Variants in SZT2 observed in about 807,000 individuals in gnomAD.
SZT2 encodes the protein SZT2 subunit of KICSTOR complex.
Under a neutral mutation model 404.2 loss-of-function variants are expected in SZT2, and 216 were observed. The ratio of observed to expected loss-of-function variants is 0.53; its 90% CI spans 0.48 to 0.60. The LOEUF is 0.60. Among genes scored for constraint, SZT2 ranks in the 20% least tolerant of loss-of-function variants. The pLI is 0.00. For missense variants in SZT2, 3,857 were observed against 4,459.2 expected, an observed-to-expected ratio of 0.86 and a Z score of 3.85; for synonymous variants, 1,693 against 1,749.9, an observed-to-expected ratio of 0.97 and a Z score of 0.81.
chr1:43,441,073 G>A lies in SZT2; in HGVS notation c.7345-141G>A. 9.5e-7 allele frequency: 1 copy of A among 1,047,918 alleles called. No homozygotes were observed. The highest frequency in any genetic ancestry group is 1.4e-6 in the Non-Finnish European group (1 of 716,912). 64.9% of individuals were successfully genotyped at this position (1,047,918 alleles called of 1,614,324 possible). On this transcript the variant is annotated intron_variant, in intron 52 of 71. Transcript: ENST00000634258. The surrounding 1 kb of genome is among the most constrained non-coding windows in gnomAD (Gnocchi z 4.8). ...AGGAAAGTTAGGTAACCTGCCCAAGGCTCCTTAGCCAGCCCCTGGGGAAGC... is the reference window on the plus strand; with the variant it reads ...AGGAAAGTTAGGTAACCTGCCCAAGACTCCTTAGCCAGCCCCTGGGGAAGC...
intron 46 of SZT2, chr1:43,438,114 C>T (rs919779253): frequency 1.1e-5 from 6 of 541,592 alleles, no homozygotes; most frequent in African/African-American, 9.5e-5. Flanking sequence ...CCCTGGGTCC[C>T]TCCTCTAGTT....
At chr1:43,397,526 T>C (rs1329949843) in intron 1 of SZT2, among the ~76,000 whole-genome samples, 1 of 151,530 alleles carries the variant, frequency 6.6e-6, no homozygotes, top group Non-Finnish European at 1.5e-5. Context: ...ACAAATTCTT[T>C]TTTTTTTGAG....
At chr1:43,399,079 C>CA (rs1320449994) in intron 1 of SZT2, among the ~76,000 whole-genome samples, 120 of 138,554 alleles carry the variant, frequency 8.7e-4, no homozygotes, top group East Asian at 7.9e-3. Flanking sequence ...GACTCCGTCT[C>CA]AAAAAAAAAA....
chr1:43,431,651 C>G, intron 35 of SZT2, 65 bp from the exon 36 acceptor site: 1 of 1,602,090 alleles, frequency 6.2e-7, no homozygotes, highest in Admixed American at 1.7e-5. Context: ...TCTTCTAGTC[C>G]GGGAGTAAGG....
chr1:43,439,123 C>G lies in SZT2; in HGVS notation c.6792+30C>G. On this transcript the variant is annotated intron_variant, in intron 48 of 71. Transcript: ENST00000634258. This position sits in a 1 kb window ranked among gnomAD's most constrained non-coding sequence, Gnocchi z 4.2. Reference sequence around the variant, plus strand: ...GATGGCACTCATCTCTCTCCACACTCATGTGCACCCCTGCCCCCTGCCCCA... The same window carrying G: ...GATGGCACTCATCTCTCTCCACACTGATGTGCACCCCTGCCCCCTGCCCCA... 6.2e-7 allele frequency: 1 copy of G among 1,613,482 alleles called. No homozygotes were observed. Among genetic ancestry groups the G allele is most frequent in the Non-Finnish European group, 8.5e-7 (1 of 1,179,604 alleles).
Position 43,429,819 on chromosome 1 carries a change from A to G in SZT2, c.4283A>G (p.His1428Arg), listed in dbSNP as rs1443595084. Residue 1428 changes from histidine to arginine, a missense_variant, in exon 29 of 72, where the codon CAT (histidine) becomes CGT (arginine). Physicochemically the swap from His to Arg is conservative, Grantham distance 29. Coordinates refer to ENST00000634258, the MANE Select transcript of SZT2 (RefSeq NM_001365999.1). Reference sequence around the variant, plus strand: ...GTCTGCCAGCTCAGAGGAGAGGCCCATGGTGCCCTTCATAGCGTCATCCAG... The same window carrying G: ...GTCTGCCAGCTCAGAGGAGAGGCCCGTGGTGCCCTTCATAGCGTCATCCAG... The part of the protein sequence containing the change: ...TDVCQLRGEA[H>R]GALHSVIQEK... 7 of 1,614,072 alleles carry G rather than the reference A, an allele frequency of 4.3e-6. No individual in the cohort carries two copies. The highest frequency in any genetic ancestry group is 5.1e-6 in the Non-Finnish European group (6 of 1,180,036).
intron 65 of SZT2, 92 bp from the exon 66 acceptor site, chr1:43,446,863 T>C: frequency 1.5e-6 from 2 of 1,358,000 alleles, no homozygotes; most frequent in Non-Finnish European, 2.0e-6. Context: ...GCAGGGGAAA[T>C]CTTGTGCTTC....
Position 43,415,122 on chromosome 1 carries a change from A to C in SZT2, c.539A>C (p.Glu180Ala), listed in dbSNP as rs1393845635. ...TGCCTCTTGGACCCTTCCCAGCGGGAGGTGTTCCTGCAGCAGATATATGAG... is the reference window on the plus strand; with the variant it reads ...TGCCTCTTGGACCCTTCCCAGCGGGCGGTGTTCCTGCAGCAGATATATGAG... ...QGCLLDPSQR[E>A]VFLQQIYEQL... The change falls in exon 5 of 72, where the codon GAG becomes GCG. Residue 180 changes from glutamate (E) to alanine (A), a missense_variant. Around this residue, in one of 7 missense-constraint regions of SZT2, gnomAD observed 536 missense variants for 637.4 expected, o/e 0.84. Transcript: ENST00000634258. 6.3e-7 allele frequency: 1 copy of C among 1,598,006 alleles called. No homozygotes were observed. Among genetic ancestry groups the C allele is most frequent in the East Asian group, 2.2e-5 (1 of 44,858 alleles).
chr1:43,396,461 C>T (rs1033829006), intron 1 of SZT2, among the ~76,000 whole-genome samples: 6 of 152,160 alleles, frequency 3.9e-5, no homozygotes, highest in African/African-American at 1.4e-4. Context: ...CAGATTCTGG[C>T]TCTATGTGAG....
At chr1:43,414,806 GC>G (rs1438897887) in intron 4 of SZT2, among the ~76,000 whole-genome samples, 1 of 152,238 alleles carries the variant, frequency 6.6e-6, no homozygotes, top group African/African-American at 2.4e-5. Flanking sequence ...ATCTTATAGT[GC>G]CCCCATGTGG....
In SZT2 at chr1:43,425,045, C is replaced by T; in HGVS notation, c.2551-68C>T. 6.3e-7 allele frequency: 1 copy of T among 1,599,948 alleles called. No homozygotes were observed. Among genetic ancestry groups the T allele is most frequent in the East Asian group, 2.2e-5 (1 of 44,802 alleles). On this transcript the variant is annotated intron_variant, in intron 17 of 71. Transcript: ENST00000634258. The surrounding 1 kb of genome is among the most constrained non-coding windows in gnomAD (Gnocchi z 4.3). Reference sequence around the variant, plus strand: ...GTGAGGGAACTGAAATTCTGAGGGCCAGAGCTAGGCCAGGCCAGATCTCTG... The same window carrying T: ...GTGAGGGAACTGAAATTCTGAGGGCTAGAGCTAGGCCAGGCCAGATCTCTG...
chr1:43,417,149 A>G (rs990919062), intron 7 of SZT2, among the ~76,000 whole-genome samples: 1 of 152,220 alleles, frequency 6.6e-6, no homozygotes, highest in Non-Finnish European at 1.5e-5. Flanking sequence ...ATGCAGATAG[A>G]TAGAAGGAAA....
In SZT2 at chr1:43,443,011, C is replaced by G; in HGVS notation, c.8344C>G (p.Pro2782Ala). The change falls in exon 59 of 72, where the codon CCT becomes GCT. Residue 2782 changes from proline (P) to alanine (A), a missense_variant. This residue lies in a region of SZT2 where 717 missense variants were observed against 868.2 expected (regional missense o/e 0.83). Coordinates refer to ENST00000634258, the MANE Select transcript of SZT2 (RefSeq NM_001365999.1). ...TAARPSSVLGPVPRPPDPVTY... is the reference protein window; with the variant it reads ...TAARPSSVLGAVPRPPDPVTY... ...TGCCCGCCCCAGCTCCGTACTTGGT[C>G]CTGTGCCCAGACCTCCTGATCCTGT... The G allele has an allele frequency of 6.2e-7, 1 of 1,614,116 alleles. No homozygotes were observed. Among genetic ancestry groups the G allele is most frequent in the Non-Finnish European group, 8.5e-7 (1 of 1,179,996 alleles).
In SZT2 at chr1:43,428,384, A is replaced by G. The variant is rs149741610; in HGVS notation, c.4064A>G (p.His1355Arg). The G allele has an allele frequency of 3.2e-5, 52 of 1,614,144 alleles. No homozygotes were observed. In the African/African-American group the frequency reaches 6.5e-4, roughly 20 times the overall value. ...TGTGGCCACACTTGGGGTTTGCCTC[A>G]TGCACCCCCAAGTCCTGGTCCTCTC... ...ALCGHTWGLPHAPPSPGPLSP... is the reference protein window; with the variant it reads ...ALCGHTWGLPRAPPSPGPLSP... The change falls in exon 28 of 72, where the codon CAT (histidine) becomes CGT (arginine). Residue 1355 changes from histidine to arginine, a missense_variant. Physicochemically the swap from His to Arg is conservative, Grantham distance 29. Coordinates refer to ENST00000634258, the MANE Select transcript of SZT2 (RefSeq NM_001365999.1).
Position 43,453,580 on chromosome 1 carries a change from C to T in SZT2, c.*3100C>T. ...CACCCCCCAGCCCTCCCAGCCCTCC[C>T]GGCCCGCGACGCACCCGGGGGCGTG... On this transcript the variant is annotated 3_prime_UTR_variant, in exon 72 of 72. Coordinates refer to ENST00000634258, the MANE Select transcript of SZT2 (RefSeq NM_001365999.1). 1.3e-6 allele frequency: 2 copies of T among 1,519,286 alleles called. No homozygotes were observed. The highest frequency in any genetic ancestry group is 1.3e-5 in the South Asian group (1 of 79,656). The allele number at this position is 1,519,286 out of a possible 1,614,324, so 94.1% of individuals were successfully genotyped here. A position where few individuals can be genotyped will look rare whatever the true frequency, so the allele number is the denominator to read the frequency against.
chr1:43,423,061 G>A (rs1488713196), intron 14 of SZT2, 38 bp from the exon 15 acceptor site: 1 of 1,547,332 alleles, frequency 6.5e-7, no homozygotes, highest in South Asian at 1.2e-5. Context: ...ACCTGTAGGA[G>A]ATGGGAGTAA....
Position 43,451,961 on chromosome 1 carries a change from TG to T in SZT2, c.*1486del. 1.9e-6 allele frequency: 3 copies of T among 1,612,138 alleles called. No individual in the cohort carries two copies. Among genetic ancestry groups the T allele is most frequent in the Non-Finnish European group, 2.5e-6 (3 of 1,178,626 alleles). ...CTGCTGGGGCGTGTCCAGGAAGTACTGGGGGTCAGTGATGCGGGTGTTGATG... is the reference window on the plus strand; with the variant it reads ...CTGCTGGGGCGTGTCCAGGAAGTACTGGGGTCAGTGATGCGGGTGTTGATG... On this transcript the variant is annotated 3_prime_UTR_variant, in exon 72 of 72. Coordinates refer to ENST00000634258, the MANE Select transcript of SZT2 (RefSeq NM_001365999.1).
rs1294880340 is a variant in SZT2 at position 43,428,233 on chromosome 1, C to A, written c.3920-7C>A. Reference sequence around the variant, plus strand: ...TCAAGCCTCATGGCCCCTTCCACTTCCATCAGGGCTATTCCGCAGCTTGCA... The same window carrying A: ...TCAAGCCTCATGGCCCCTTCCACTTACATCAGGGCTATTCCGCAGCTTGCA... On this transcript the variant is annotated splice_polypyrimidine_tract_variant and splice_region_variant and intron_variant, in intron 27 of 71. Coordinates refer to ENST00000634258, the MANE Select transcript of SZT2 (RefSeq NM_001365999.1). The A allele has an allele frequency of 6.2e-7, 1 of 1,614,022 alleles. No homozygotes were observed. Among genetic ancestry groups the A allele is most frequent in the Non-Finnish European group, 8.5e-7 (1 of 1,179,988 alleles).
In SZT2 at chr1:43,453,857, G is replaced by C; in HGVS notation, c.*3377G>C. 8 of 1,231,186 alleles carry C rather than the reference G, an allele frequency of 6.5e-6. No homozygotes were observed. Among genetic ancestry groups the C allele is most frequent in the Non-Finnish European group, 7.1e-6 (7 of 988,432 alleles). The allele number at this position is 1,231,186 out of a possible 1,614,324, so 76.3% of individuals were successfully genotyped here. A position where few individuals can be genotyped will look rare whatever the true frequency, so the allele number is the denominator to read the frequency against. ...AAAGGCGGCGGGCGGCGGGCGGCGGGCGGCGGGCGGGGGCGGGGCTCTCCT... is the reference window on the plus strand; with the variant it reads ...AAAGGCGGCGGGCGGCGGGCGGCGGCCGGCGGGCGGGGGCGGGGCTCTCCT... On this transcript the variant is annotated 3_prime_UTR_variant, in exon 72 of 72. Transcript: ENST00000634258.
Sources: gnomAD v4.1 joint callset for allele counts (sites outside exome capture counted in the v4.1 genomes callset) on GRCh38, gnomAD v4.1.1 for gene constraint, gnomAD v4.1.1 regional missense constraint, Gnocchi (gnomAD v3.1) non-coding constraint, MANE v1.5 for transcripts, NCBI Gene and HGNC (gene_info 2026-07-23, HGNC 2026-07-21) for gene names.